NXPH1: variants seen among roughly 807,000 people sequenced by gnomAD.
NXPH1 encodes neurexophilin 1.
A neutral mutation model predicts 23.7 loss-of-function variants in NXPH1; 5 were observed. That is an observed-to-expected ratio of 0.21 (90% CI 0.11 to 0.44). NXPH1 has a LOEUF of 0.44. Among genes scored for constraint, NXPH1 ranks in the 20% least tolerant of loss-of-function variants. The pLI, the probability that NXPH1 is intolerant of heterozygous loss-of-function variation, is 0.99. For missense variants in NXPH1, 324 were observed against 321.6 expected, an observed-to-expected ratio of 1.01 and a Z score of -0.06; for synonymous variants, 144 against 122.2, an observed-to-expected ratio of 1.18 and a Z score of -1.18.
chr7:8,469,458 T>C (rs1195257172), intron 2 of NXPH1, among the ~76,000 whole-genome samples: 1 of 152,102 alleles, frequency 6.6e-6, no homozygotes, highest in Non-Finnish European at 1.5e-5. Context: ...TAGGATCTAA[T>C]GACAGAGAGC....
At chr7:8,515,900 T>C (rs906485143) in intron 2 of NXPH1, among the ~76,000 whole-genome samples, 10 of 152,144 alleles carry the variant, frequency 6.6e-5, no homozygotes, top group Non-Finnish European at 1.3e-4. Flanking sequence ...TCTGCTATCT[T>C]ACCTAACTCT....
chr7:8,748,195 G>T (rs1426223954), intron 2 of NXPH1, among the ~76,000 whole-genome samples: 2 of 152,056 alleles, frequency 1.3e-5, no homozygotes, highest in Admixed American at 6.6e-5. Context: ...CAACGATTTT[G>T]CTGTTATTAG....
intron 2 of NXPH1, among the ~76,000 whole-genome samples, chr7:8,562,442 T>C (rs752297837): frequency 9.2e-5 from 14 of 151,702 alleles, no homozygotes; most frequent in Admixed American, 3.9e-4. Context: ...TTCATTTCCT[T>C]GAAGCAACTG....
In NXPH1 at chr7:8,642,463, T is replaced by C. The variant is rs140046424; in HGVS notation, c.55-108545T>C. 1.3e-3 allele frequency among the ~76,000 whole-genome samples: 197 copies of C among 152,296 alleles called. 1 individual carries two copies. Among genetic ancestry groups the C allele is most frequent in the African/African-American group, 4.6e-3 (190 of 41,580 alleles). On this transcript the variant is annotated intron_variant, in intron 2 of 2. Coordinates refer to ENST00000405863, the MANE Select transcript of NXPH1 (RefSeq NM_152745.3). ...ATCCCTTAGATGGGCATGTTTTCCT[T>C]CATTTGGCAGATTTTTTGAGGATGA...
At chr7:8,687,910 A>G (rs142230570) in intron 2 of NXPH1, among the ~76,000 whole-genome samples, 1 of 152,322 alleles carries the variant, frequency 6.6e-6, no homozygotes, top group Non-Finnish European at 1.5e-5. Flanking sequence ...AATCAGGACT[A>G]TCAGGCTCTG....
chr7:8,737,610 T>A (rs1351336658), intron 2 of NXPH1, among the ~76,000 whole-genome samples: 1 of 152,170 alleles, frequency 6.6e-6, no homozygotes, highest in African/African-American at 2.4e-5. Flanking sequence ...ATTATGTGTC[T>A]TGGGATGGCT....
At chr7:8,456,378 AC>A (rs1369685671) in intron 2 of NXPH1, among the ~76,000 whole-genome samples, 1 of 152,208 alleles carries the variant, frequency 6.6e-6, no homozygotes, top group Non-Finnish European at 1.5e-5. Context: ...TTCTAATGTT[AC>A]AATAATTTCA....
At chr7:8,708,429 C>T (rs1402926991) in intron 2 of NXPH1, among the ~76,000 whole-genome samples, 1 of 152,084 alleles carries the variant, frequency 6.6e-6, no homozygotes, top group African/African-American at 2.4e-5. Flanking sequence ...GGCACGATCT[C>T]AGCTCACTGC....
chr7:8,603,370 T>TA (rs1430116540), intron 2 of NXPH1, among the ~76,000 whole-genome samples: 1 of 152,210 alleles, frequency 6.6e-6, no homozygotes, highest in Non-Finnish European at 1.5e-5. Context: ...GTGACCTCAA[T>TA]AGCCACTATC....
At chr7:8,539,548 G>C (rs1299383114) in intron 2 of NXPH1, among the ~76,000 whole-genome samples, 1 of 151,738 alleles carries the variant, frequency 6.6e-6, no homozygotes, top group Non-Finnish European at 1.5e-5. Flanking sequence ...TGCTTATCAA[G>C]ACTTTCACAG....
At chr7:8,665,124 T>C (rs1348454028) in intron 2 of NXPH1, among the ~76,000 whole-genome samples, 1 of 151,994 alleles carries the variant, frequency 6.6e-6, no homozygotes, top group Non-Finnish European at 1.5e-5. Flanking sequence ...ATTTCCCCTA[T>C]GTTTCCTTCC....
intron 2 of NXPH1, among the ~76,000 whole-genome samples, chr7:8,687,726 T>C (rs1043477829): frequency 6.6e-6 from 1 of 152,316 alleles, no homozygotes; most frequent in Non-Finnish European, 1.5e-5. Flanking sequence ...TATGATGATA[T>C]CTGTACATCA....
chr7:8,749,726 C>T (rs1333906855), intron 2 of NXPH1, among the ~76,000 whole-genome samples: 2 of 152,136 alleles, frequency 1.3e-5, no homozygotes, highest in African/African-American at 4.8e-5. Flanking sequence ...TGAAATGTGG[C>T]TTTTTAATGG....
chr7:8,529,797 C>T (rs1182581012), intron 2 of NXPH1, among the ~76,000 whole-genome samples: 2 of 151,874 alleles, frequency 1.3e-5, no homozygotes, highest in African/African-American at 2.4e-5. Context: ...CCTTTTCTTC[C>T]TGAATTAAAA....
At chr7:8,598,218 G>A (rs181590390) in intron 2 of NXPH1, among the ~76,000 whole-genome samples, 52 of 152,128 alleles carry the variant, frequency 3.4e-4, no homozygotes, top group Non-Finnish European at 4.6e-4. Context: ...TTCTCCCAGC[G>A]TCTAAGCAGC....
chr7:8,611,110 A>G (rs1037169854), intron 2 of NXPH1, among the ~76,000 whole-genome samples: 1 of 152,150 alleles, frequency 6.6e-6, no homozygotes, highest in Non-Finnish European at 1.5e-5. Flanking sequence ...TTTTATTTCT[A>G]GTTGCCACAT....
chr7:8,620,335 C>G (rs1008668416), intron 2 of NXPH1, among the ~76,000 whole-genome samples: 1 of 152,106 alleles, frequency 6.6e-6, no homozygotes, highest in African/African-American at 2.4e-5. Flanking sequence ...CCCTTCCTAC[C>G]GACAGTTTGT....
At chr7:8,519,031 A>G (rs1817729434) in intron 2 of NXPH1, among the ~76,000 whole-genome samples, 2 of 152,156 alleles carry the variant, frequency 1.3e-5, no homozygotes, top group East Asian at 1.9e-4. Flanking sequence ...AGTGCTTGGC[A>G]TGGGTAGGCT....
chr7:8,627,188 GTA>G (rs1235078961), intron 2 of NXPH1, among the ~76,000 whole-genome samples: 5 of 152,000 alleles, frequency 3.3e-5, no homozygotes, highest in Non-Finnish European at 1.5e-5. Context: ...CCATTTTTAT[GTA>G]TATTTGATGT....
Sources: gnomAD v4.1 joint callset for allele counts (sites outside exome capture counted in the v4.1 genomes callset) on GRCh38, gnomAD v4.1.1 for gene constraint, MANE v1.5 for transcripts, NCBI Gene and HGNC (gene_info 2026-07-23, HGNC 2026-07-21) for gene names.